Variants in TMTC4 observed in about 807,000 individuals in gnomAD.
TMTC4 encodes protein O-mannosyl-transferase TMTC4.
Under a neutral mutation model 86.0 loss-of-function variants are expected in TMTC4, and 65 were observed. The observed-to-expected ratio is 0.76, with a 90% CI of 0.62 to 0.93. The LOEUF is 0.93. TMTC4 is among the 40% of genes least tolerant of loss of function. TMTC4 has a pLI of 0.00. For synonymous variants in TMTC4, 379 were observed against 382.5 expected (o/e 0.99, Z 0.11); for missense variants, 866 against 948.1 (o/e 0.91, Z 1.14).
intron 16 of TMTC4, among the ~76,000 whole-genome samples, chr13:100,613,839 G>GCC (rs1287591016): frequency 0.35 from 9,011 of 25,522 alleles, 607 homozygotes; most frequent in Middle Eastern, 0.43. Flanking sequence ...CCCCCTACCC[G>GCC]CCCCCCCCTT....
At chr13:100,609,920 G>A (rs898699738) in intron 17 of TMTC4, among the ~76,000 whole-genome samples, 2 of 152,132 alleles carry the variant, frequency 1.3e-5, no homozygotes, top group Admixed American at 1.3e-4. Context: ...CAGATATAAC[G>A]AGAACACTCA....
At chr13:100,671,143 T>C (rs1226867203) in intron 1 of TMTC4, among the ~76,000 whole-genome samples, 1 of 152,230 alleles carries the variant, frequency 6.6e-6, no homozygotes, top group African/African-American at 2.4e-5. Flanking sequence ...TGTTTTATTG[T>C]TTCAATAGTG....
At position 100,626,912 on chromosome 13, in the gene TMTC4, G is replaced by A. The variant is rs920328038; in HGVS notation, c.1507-762C>T. Among the ~76,000 whole-genome samples the A allele has an allele frequency of 3.3e-5, 5 of 152,308 alleles. No homozygotes were observed. The South Asian group carries it at 8.3e-4, about 25-fold the overall frequency. The stretch of plus-strand genomic sequence containing the variant: ...TTGGGAAGTAGGGCCTCTGGGAAGT[G>A]ATTGGGTCATGAGGGTGGAGGCCCA... On this transcript the variant is annotated intron_variant, in intron 12 of 18. Transcript: ENST00000342624.
rs3059451 is a variant in TMTC4, at chr13:100,649,762, A to AAAATAAATAAAT, written c.640+6607_640+6618dup. On this transcript the variant is annotated intron_variant, in intron 6 of 18. Coordinates refer to ENST00000342624, the MANE Select transcript of TMTC4 (RefSeq NM_032813.5). ...CGCCATCATTAAGATATTCTTCTTC[A>AAAATAAATAAAT]AAATAAATAAATAAATAAATAAATA... is the stretch of plus-strand genomic sequence containing the variant. Among the ~76,000 whole-genome samples the AAAATAAATAAAT allele has an allele frequency of 1.3e-3, 192 of 148,766 alleles. 2 individuals carry two copies. The highest frequency in any genetic ancestry group is 4.3e-3 in the African/African-American group (175 of 40,936).
rs758692148 is a variant in TMTC4 at position 100,663,127 on chromosome 13, T to C, written c.389A>G (p.Asn130Ser). The C allele has an allele frequency of 9.3e-6, 15 of 1,614,172 alleles. No individual in the cohort carries two copies. The highest frequency in any genetic ancestry group is 1.3e-5 in the African/African-American group (1 of 75,046). Residue 130 changes from asparagine to serine, a missense_variant, in exon 5 of 19, where the codon AAC becomes AGC. By Grantham distance (46) the Asn-to-Ser change is conservative. Transcript: ENST00000342624. ...GFHPVGFHVVNILLHSGISVL... is the reference protein window; with the variant it reads ...GFHPVGFHVVSILLHSGISVL... ...AGAGATGCCACTGTGCAGGAGGATG[T>C]TGACCACGTGAAAGCCCACGGGGTG...
chr13:100,605,275 G>A lies in TMTC4; in HGVS notation c.2135-133C>T, dbSNP rs2153020077. 9.4e-7 allele frequency: 1 copy of A among 1,065,722 alleles called. No homozygotes were observed. Among genetic ancestry groups the A allele is most frequent in the Non-Finnish European group, 1.3e-6 (1 of 751,412 alleles). 66.0% of individuals were successfully genotyped at this position (1,065,722 alleles called of 1,614,324 possible). A position where few individuals can be genotyped will look rare whatever the true frequency, so the allele number is the denominator to read the frequency against. ...AAAGTCAATTGTATGAAACAATATT[G>A]TTTGTACTGAAAACTCTATTTATTG... On this transcript the variant is annotated intron_variant, in intron 18 of 18. Transcript: ENST00000342624. The surrounding 1 kb of genome is among the most constrained non-coding windows in gnomAD (Gnocchi z 4.3).
chr13:100,615,548 G>A (rs975328569), intron 15 of TMTC4, among the ~76,000 whole-genome samples: 1 of 152,140 alleles, frequency 6.6e-6, no homozygotes, highest in Admixed American at 6.5e-5. Context: ...TGCCTCCCAA[G>A]TTCGAACAAT....
chr13:100,644,654 A>G (rs953343249), intron 6 of TMTC4, among the ~76,000 whole-genome samples: 10 of 152,204 alleles, frequency 6.6e-5, no homozygotes, highest in Admixed American at 6.5e-4. Flanking sequence ...CTGCGTATCA[A>G]ATTTCTAGAT....
At chr13:100,622,998 C>T (rs1199476838) in intron 15 of TMTC4, among the ~76,000 whole-genome samples, 1 of 152,140 alleles carries the variant, frequency 6.6e-6, no homozygotes, top group Admixed American at 6.6e-5. Flanking sequence ...ATCATGGCTA[C>T]CCACTCCAGA....
chr13:100,633,819 T>A (rs1192568680), intron 12 of TMTC4, among the ~76,000 whole-genome samples: 1 of 150,694 alleles, frequency 6.6e-6, no homozygotes, highest in Non-Finnish European at 1.5e-5. Context: ...ATGGTAAGGA[T>A]TTGTGTATCT....
chr13:100,641,004 C>G (rs1347864985), intron 7 of TMTC4, among the ~76,000 whole-genome samples: 1 of 152,072 alleles, frequency 6.6e-6, no homozygotes, highest in Non-Finnish European at 1.5e-5. Context: ...CTACTCAGAT[C>G]AGACTGAAAA....
intron 1 of TMTC4, among the ~76,000 whole-genome samples, chr13:100,670,912 C>A (rs1202563477): frequency 6.6e-6 from 1 of 152,228 alleles, no homozygotes; most frequent in African/African-American, 2.4e-5. Context: ...TGAGATCACA[C>A]CTCGGCTCTA....
At chr13:100,610,116 G>C (rs1170494795) in intron 17 of TMTC4, among the ~76,000 whole-genome samples, 3 of 152,216 alleles carry the variant, frequency 2.0e-5, no homozygotes, top group Non-Finnish European at 4.4e-5. Context: ...GCTCTCTGAG[G>C]AGATTTACCA....
At chr13:100,640,543 C>T (rs1410976685) in intron 7 of TMTC4, among the ~76,000 whole-genome samples, 1 of 152,072 alleles carries the variant, frequency 6.6e-6, no homozygotes, top group Non-Finnish European at 1.5e-5. Flanking sequence ...CAAGCTATTT[C>T]TATATGATCA....
chr13:100,635,128 C>G lies in TMTC4; in HGVS notation c.1270G>C (p.Val424Leu), dbSNP rs756929009. 3.1e-6 allele frequency: 5 copies of G among 1,614,082 alleles called. No individual in the cohort carries two copies. The highest frequency in any genetic ancestry group is 4.2e-6 in the Non-Finnish European group (5 of 1,180,006). ...ACACGCTCTGCGACCACGAAGCCCA[C>G]TCGGAAGAACAGGTTACTCGCGGGG... Reference protein sequence around the residue: ...FLPASNLFFRVGFVVAERVLY... With the variant: ...FLPASNLFFRLGFVVAERVLY... Residue 424 changes from valine (V) to leucine (L), a missense_variant, in exon 11 of 19, where the codon GTG becomes CTG. By Grantham distance (32) the Val-to-Leu change is conservative. Transcript: ENST00000342624.
chr13:100,662,834 GAGTAGACTTTCTCC>G, intron 5 of TMTC4, 116 bp downstream of exon 5: 1 of 874,738 alleles, frequency 1.1e-6, no homozygotes, highest in Non-Finnish European at 1.9e-6. Context: ...GTATGTTGTG[GAGTAGACTTTCTCC>G]AGCTCTGGAA....
chr13:100,618,180 GAC>G (rs1878811037), intron 15 of TMTC4, among the ~76,000 whole-genome samples: 1 of 152,124 alleles, frequency 6.6e-6, no homozygotes, highest in Non-Finnish European at 1.5e-5. Flanking sequence ...TTTGTACACT[GAC>G]TTTGTATCCT....
intron 15 of TMTC4, among the ~76,000 whole-genome samples, chr13:100,619,328 GACAC>G (rs34662519): frequency 0.25 from 35,936 of 145,598 alleles, 4,450 homozygotes; most frequent in Non-Finnish European, 0.28. Context: ...AATAAAAGCA[GACAC>G]ACACACACAC....
intron 15 of TMTC4, among the ~76,000 whole-genome samples, chr13:100,619,558 T>C (rs950959389): frequency 6.6e-6 from 1 of 152,228 alleles, no homozygotes; most frequent in African/African-American, 2.4e-5. Flanking sequence ...ACAAAAACGT[T>C]CTGACTTGTC....
Sources: allele counts gnomAD v4.1 joint callset (sites outside exome capture counted in the v4.1 genomes callset), GRCh38; gene constraint gnomAD v4.1.1; non-coding constraint Gnocchi (gnomAD v3.1); transcripts MANE v1.5; gene names NCBI Gene and HGNC (gene_info 2026-07-23, HGNC 2026-07-21).